PDE6C: variants seen among roughly 807,000 people sequenced by gnomAD.
PDE6C encodes the protein phosphodiesterase 6C, also known as cone cGMP-specific 3',5'-cyclic phosphodiesterase subunit alpha'.
PDE6C carries 75 observed loss-of-function variants against 113.1 expected under a neutral mutation model. That is an observed-to-expected ratio of 0.66 (90% CI 0.55 to 0.80). The LOEUF is 0.80. Ranked by LOEUF, PDE6C falls within the 30% of genes least tolerant of loss-of-function variation. The probability of loss-of-function intolerance (pLI) is 0.00; values close to 1 mark genes in which losing one functional copy is unlikely to be tolerated. For missense variants in PDE6C, 912 were observed against 1,038.6 expected (o/e 0.88, Z 1.67); for synonymous variants, 375 against 363.7 (o/e 1.03, Z -0.35).
chr10:93,654,802 CTTTCTTTCTT>C lies in PDE6C; in HGVS notation c.1936-954_1936-945del, dbSNP rs749054221. ...TCTTTCTTTCTTTCTTTCTTTCTTT[CTTTCTTTCTT>C]TTTTTTTTTTTTTGAAACAGGGTCT... On this transcript the variant is annotated intron_variant, in intron 15 of 21. Transcript: ENST00000371447. Among the ~76,000 whole-genome samples, 7 of 82,674 alleles carry C rather than the reference CTTTCTTTCTT, an allele frequency of 8.5e-5. No homozygotes were observed. In the East Asian group the frequency reaches 1.8e-3, roughly 21 times the overall value. 54.2% of individuals were successfully genotyped at this position (82,674 alleles called of 152,430 possible).
chr10:93,657,742 G>GTA (rs55842373), intron 16 of PDE6C, among the ~76,000 whole-genome samples: 3 of 151,782 alleles, frequency 2.0e-5, no homozygotes, highest in Non-Finnish European at 4.4e-5. Context: ...GTATGTCCCT[G>GTA]TATATATATA....
In PDE6C at chr10:93,634,877, T is replaced by G; in HGVS notation, c.1239T>G (p.Pro413=). ...TTTACAACAGGAAGGATGGAAAACCTTTCGATGAGCATGATGAATACATTA... is the reference window on the plus strand; with the variant it reads ...TTTACAACAGGAAGGATGGAAAACCGTTCGATGAGCATGATGAATACATTA... ...ATFYNRKDGK[P]FDEHDEYITE... The change falls in exon 9 of 22, where the codon CCT becomes CCG. Residue 413 remains proline, a synonymous_variant. Transcript: ENST00000371447. The G allele has an allele frequency of 6.2e-7, 1 of 1,614,114 alleles. No individual in the cohort carries two copies. Among genetic ancestry groups the G allele is most frequent in the Non-Finnish European group, 8.5e-7 (1 of 1,180,006 alleles).
chr10:93,648,152 A>G (rs1165578938), intron 15 of PDE6C, among the ~76,000 whole-genome samples: 1 of 152,158 alleles, frequency 6.6e-6, no homozygotes, highest in African/African-American at 2.4e-5. Context: ...GGCAGTTTAG[A>G]GTTACAGTTT....
At chr10:93,658,688 CTCTG>C (rs149599491) in intron 16 of PDE6C, among the ~76,000 whole-genome samples, 18,728 of 151,366 alleles carry the variant, frequency 0.12, 1,384 homozygotes, top group African/African-American at 0.21. Context: ...CTCTCTCTCT[CTCTG>C]TATGGTTTGT....
chr10:93,647,077 A>G (rs1370223254), intron 15 of PDE6C, among the ~76,000 whole-genome samples: 1 of 152,214 alleles, frequency 6.6e-6, no homozygotes, highest in South Asian at 2.1e-4. Flanking sequence ...CAGAGAGGGT[A>G]GTCATTCTTC....
intron 18 of PDE6C, among the ~76,000 whole-genome samples, chr10:93,660,355 T>C (rs543645880): frequency 1.5e-4 from 23 of 152,298 alleles, no homozygotes; most frequent in Non-Finnish European, 2.4e-4. Context: ...CATGGAGAAA[T>C]AGAATTCAAC....
rs750062187 is a variant in PDE6C, at chr10:93,634,734, C to T, written c.1120-24C>T. On this transcript the variant is annotated intron_variant, in intron 8 of 21. Coordinates refer to ENST00000371447, the MANE Select transcript of PDE6C (RefSeq NM_006204.4). Reference sequence around the variant, plus strand: ...TCAAACTAAAAAGGCAAAAAAATAACTTGAGGTCCCTTCTCGTTTGTAGAA... The same window carrying T: ...TCAAACTAAAAAGGCAAAAAAATAATTTGAGGTCCCTTCTCGTTTGTAGAA... The T allele has an allele frequency of 5.0e-6, 8 of 1,613,640 alleles. No individual in the cohort carries two copies. In the South Asian group the frequency reaches 8.8e-5, roughly 18 times the overall value.
intron 15 of PDE6C, among the ~76,000 whole-genome samples, chr10:93,651,710 G>A (rs1412531497): frequency 6.6e-6 from 1 of 152,162 alleles, no homozygotes; most frequent in Non-Finnish European, 1.5e-5. Context: ...GAAGCTCCAG[G>A]CCTTCTATTT....
intron 2 of PDE6C, 33 bp downstream of exon 2, chr10:93,620,817 T>C: frequency 6.2e-7 from 1 of 1,613,772 alleles, no homozygotes; most frequent in Non-Finnish European, 8.5e-7. Flanking sequence ...GGTTGGAGGC[T>C]CAGGAAATTT....
At chr10:93,649,965 A>G (rs1379383228) in intron 15 of PDE6C, among the ~76,000 whole-genome samples, 1 of 152,128 alleles carries the variant, frequency 6.6e-6, no homozygotes, top group Non-Finnish European at 1.5e-5. Flanking sequence ...TACCTGGGAA[A>G]CCAGCACCAC....
rs2058396227 is a variant in PDE6C, at chr10:93,612,541, C to T, written c.-185C>T. The T allele has an allele frequency of 2.7e-6, 2 of 744,510 alleles. No individual in the cohort carries two copies. Among genetic ancestry groups the T allele is most frequent in the East Asian group, 5.3e-5 (2 of 37,480 alleles). The allele number at this position is 744,510 out of a possible 1,614,324, so 46.1% of individuals were successfully genotyped here. On this transcript the variant is annotated 5_prime_UTR_variant, in exon 1 of 22. Coordinates refer to ENST00000371447, the MANE Select transcript of PDE6C (RefSeq NM_006204.4). ...CACCCTAAGCCAGGGCCTTCTGTCA[C>T]ATCCCAAGAGTTACAGGCAGTTTGA...
intron 10 of PDE6C, among the ~76,000 whole-genome samples, chr10:93,636,382 G>GTA: frequency 6.7e-6 from 1 of 148,934 alleles, no homozygotes; most frequent in African/African-American, 2.5e-5. Flanking sequence ...GTGTGTGTGT[G>GTA]TGTGTGTGTG....
At chr10:93,658,190 AAAG>A (rs1312138727) in intron 16 of PDE6C, among the ~76,000 whole-genome samples, 84 of 139,074 alleles carry the variant, frequency 6.0e-4, no homozygotes, top group African/African-American at 1.8e-3. Context: ...AAAAAAAAAA[AAAG>A]AAAAAGAAAA....
At chr10:93,654,784 T>C (rs1490696414) in intron 15 of PDE6C, among the ~76,000 whole-genome samples, 1 of 93,014 alleles carries the variant, frequency 1.1e-5, no homozygotes, top group South Asian at 3.5e-4. Flanking sequence ...CTTTCTTTCT[T>C]TCTTTCTTTC....
intron 19 of PDE6C, 130 bp downstream of exon 19, chr10:93,662,263 G>A: frequency 1.4e-6 from 1 of 724,334 alleles, no homozygotes; most frequent in South Asian, 1.4e-5. Flanking sequence ...AAAAGATCGA[G>A]ACCATCCTGA....
At chr10:93,650,357 C>T (rs571021141) in intron 15 of PDE6C, among the ~76,000 whole-genome samples, 16 of 152,212 alleles carry the variant, frequency 1.1e-4, no homozygotes, top group Admixed American at 2.0e-4. Flanking sequence ...AGCAAACCTC[C>T]TACCTCTGCC....
intron 4 of PDE6C, 149 bp downstream of exon 4, chr10:93,622,221 G>T: frequency 1.2e-6 from 1 of 843,654 alleles, no homozygotes; most frequent in Non-Finnish European, 1.9e-6. Flanking sequence ...GTGTCTTGGA[G>T]CAAAAAAGAT....
chr10:93,655,218 T>C (rs1259164097), intron 15 of PDE6C, among the ~76,000 whole-genome samples: 3 of 152,152 alleles, frequency 2.0e-5, no homozygotes, highest in African/African-American at 7.2e-5. Flanking sequence ...TAAAATAGAA[T>C]TGCATGAAAA....
At chr10:93,621,640 C>A (rs149707543) in intron 3 of PDE6C, among the ~76,000 whole-genome samples, 57 of 152,322 alleles carry the variant, frequency 3.7e-4, no homozygotes, top group African/African-American at 1.3e-3. Context: ...AGGGACCATC[C>A]CTGCATCCCA....
Sources: gnomAD v4.1 joint callset for allele counts (sites outside exome capture counted in the v4.1 genomes callset) on GRCh38, gnomAD v4.1.1 for gene constraint, MANE v1.5 for transcripts, NCBI Gene and HGNC (gene_info 2026-07-23, HGNC 2026-07-21) for gene names.